CELSR1: variants seen among roughly 807,000 people sequenced by gnomAD.
CELSR1 encodes the protein adhesion G protein-coupled receptor C1.
A neutral mutation model predicts 249.1 loss-of-function variants in CELSR1; 110 were observed. The ratio of observed to expected loss-of-function variants is 0.44; its 90% CI spans 0.38 to 0.52. The LOEUF is 0.52. CELSR1 is among the 20% of genes least tolerant of loss of function. The probability of loss-of-function intolerance (pLI) is 0.00; values close to 1 mark genes in which losing one functional copy is unlikely to be tolerated. For missense variants in CELSR1, 4,109 were observed against 4,296.4 expected (o/e 0.96, Z 1.22); for synonymous variants, 2,113 against 1,900.0 (o/e 1.11, Z -2.92).
intron 1 of CELSR1, among the ~76,000 whole-genome samples, chr22:46,489,958 C>G (rs1289589614): frequency 6.6e-6 from 1 of 152,086 alleles, no homozygotes; most frequent in East Asian, 1.9e-4. Context: ...AATAAACTCC[C>G]AGATCCAGAT....
chr22:46,531,498 G>A (rs551112353), intron 1 of CELSR1, among the ~76,000 whole-genome samples: 41 of 152,318 alleles, frequency 2.7e-4, no homozygotes, highest in Non-Finnish European at 3.5e-4. Context: ...GAGCCACTGC[G>A]CCTGGTCATA....
At position 46,362,891 on chromosome 22, in the gene CELSR1, C is replaced by A; in HGVS notation, c.*332G>T. 1 of 466,436 alleles carries A rather than the reference C, an allele frequency of 2.1e-6. No homozygotes were observed. Among genetic ancestry groups the A allele is most frequent in the South Asian group, 3.6e-5 (1 of 27,468 alleles). 28.9% of individuals were successfully genotyped at this position (466,436 alleles called of 1,614,324 possible). ...ACTCTGGCCAGCCTCTGGGCCCAGTCTGGGGTCCCCTCTCAGTTCTGGCTT... is the reference window on the plus strand; with the variant it reads ...ACTCTGGCCAGCCTCTGGGCCCAGTATGGGGTCCCCTCTCAGTTCTGGCTT... On this transcript the variant is annotated 3_prime_UTR_variant, in exon 35 of 35. Coordinates refer to ENST00000674500, the MANE Select transcript of CELSR1 (RefSeq NM_001378328.1).
At chr22:46,509,523 G>A (rs1602226099) in intron 1 of CELSR1, among the ~76,000 whole-genome samples, 1 of 152,250 alleles carries the variant, frequency 6.6e-6, no homozygotes, top group African/African-American at 2.4e-5. Context: ...CATCTCAGTG[G>A]GGGAGTCAAC....
chr22:46,485,874 A>T (rs1422069101), intron 1 of CELSR1, among the ~76,000 whole-genome samples: 1 of 148,980 alleles, frequency 6.7e-6, no homozygotes, highest in Non-Finnish European at 1.5e-5. Flanking sequence ...TATGACAGTG[A>T]TATGTGTCGT....
In CELSR1 at chr22:46,411,869, C is replaced by A; in HGVS notation, c.4612-110G>T. On this transcript the variant is annotated intron_variant, in intron 5 of 34. Coordinates refer to ENST00000674500, the MANE Select transcript of CELSR1 (RefSeq NM_001378328.1). This position sits in a 1 kb window ranked among gnomAD's most constrained non-coding sequence, Gnocchi z 4.2. ...AGGACATGGCACAGGGTGGGCGGCA[C>A]GTAGACAAGGGATGAGGAGCCCCCG... 7.1e-7 allele frequency: 1 copy of A among 1,406,264 alleles called. No homozygotes were observed. The highest frequency in any genetic ancestry group is 1.2e-5 in the South Asian group (1 of 80,620). The allele number at this position is 1,406,264 out of a possible 1,614,324, so 87.1% of individuals were successfully genotyped here. A position where few individuals can be genotyped will look rare whatever the true frequency, so the allele number is the denominator to read the frequency against.
intron 14 of CELSR1, among the ~76,000 whole-genome samples, 189 bp from the exon 15 acceptor site, chr22:46,392,005 A>C (rs1341316590): frequency 1.3e-5 from 2 of 152,238 alleles, no homozygotes; most frequent in African/African-American, 4.8e-5. Context: ...AGGCCCCACA[A>C]GGCCGGACCC....
At chr22:46,375,727 A>G (rs1217493055) in intron 24 of CELSR1, among the ~76,000 whole-genome samples, 1 of 151,936 alleles carries the variant, frequency 6.6e-6, no homozygotes, top group East Asian at 1.9e-4. Context: ...TATTTTTAGT[A>G]AAGACAGGGT....
chr22:46,485,654 T>C (rs1447427031), intron 1 of CELSR1, among the ~76,000 whole-genome samples: 1 of 152,162 alleles, frequency 6.6e-6, no homozygotes, highest in Non-Finnish European at 1.5e-5. Flanking sequence ...GCCAGCAGGC[T>C]CCATGCACCT....
intron 1 of CELSR1, among the ~76,000 whole-genome samples, chr22:46,515,454 A>G (rs2080617158): frequency 6.6e-6 from 1 of 152,110 alleles, no homozygotes; most frequent in African/African-American, 2.4e-5. Flanking sequence ...CACAAACTCT[A>G]TGAAGGCCTT....
intron 1 of CELSR1, among the ~76,000 whole-genome samples, chr22:46,493,112 T>C (rs5768834): frequency 0.39 from 58,677 of 151,696 alleles, 11,898 homozygotes; most frequent in African/African-American, 0.52. Flanking sequence ...TAGCCAGGCA[T>C]GGTGGCTCAC....
rs2079712335 is a variant in CELSR1 at position 46,439,363 on chromosome 22, A to G, written c.4232T>C (p.Val1411Ala). Residue 1411 changes from valine to alanine, a missense_variant, in exon 3 of 35, where the codon GTG becomes GCG. By Grantham distance (64) the Val-to-Ala change is moderately conservative. Around this residue, in one of 7 missense-constraint regions of CELSR1, gnomAD observed 453 missense variants for 492.0 expected, o/e 0.92. Transcript: ENST00000674500. ...CACGCAGGTGCCCCCGTTCTTGCACACCCCGTTGGCACAGCGGCCTGAGCG... is the reference window on the plus strand; with the variant it reads ...CACGCAGGTGCCCCCGTTCTTGCACGCCCCGTTGGCACAGCGGCCTGAGCG... ...DARSGRCANGVCKNGGTCVNL... is the reference protein window; with the variant it reads ...DARSGRCANGACKNGGTCVNL... 1.2e-6 allele frequency: 2 copies of G among 1,613,634 alleles called. No homozygotes were observed. Among genetic ancestry groups the G allele is most frequent in the East Asian group, 2.2e-5 (1 of 44,858 alleles).
At chr22:46,377,514 G>A in intron 23 of CELSR1, 1 of 534,112 alleles carries the variant, frequency 1.9e-6, no homozygotes, top group South Asian at 2.1e-5. Flanking sequence ...CTGGCTTGGG[G>A]GCCGTTCAGA....
intron 5 of CELSR1, among the ~76,000 whole-genome samples, chr22:46,431,733 T>C (rs2079597978): frequency 6.6e-6 from 1 of 152,204 alleles, no homozygotes; most frequent in Non-Finnish European, 1.5e-5. Context: ...TGGCTAGCAC[T>C]GCCCCACACA....
chr22:46,439,205 A>G lies in CELSR1; in HGVS notation c.4390T>C (p.Phe1464Leu). 1 of 1,613,450 alleles carries G rather than the reference A, an allele frequency of 6.2e-7. No homozygotes were observed. Among genetic ancestry groups the G allele is most frequent in the Non-Finnish European group, 8.5e-7 (1 of 1,179,518 alleles). The change falls in exon 3 of 35, where the codon TTC (phenylalanine) becomes CTC (leucine). Residue 1464 changes from phenylalanine (F) to leucine (L), a missense_variant. Phe to Leu is a conservative substitution (Grantham distance 22). This residue lies in a region of CELSR1 where 453 missense variants were observed against 492.0 expected (regional missense o/e 0.92). Coordinates refer to ENST00000674500, the MANE Select transcript of CELSR1 (RefSeq NM_001378328.1). ...TFRGLRQRFH[F>L]TISLTFATQE... The stretch of plus-strand genomic sequence containing the variant: ...CACACTCACGTGAGGGAGATGGTGA[A>G]GTGGAAGCGCTGTCTCAGGCCCCGG...
chr22:46,439,722 C>T (rs935811996), intron 2 of CELSR1, among the ~76,000 whole-genome samples: 1 of 152,100 alleles, frequency 6.6e-6, no homozygotes, highest in Admixed American at 6.5e-5. Context: ...AGCCTCCAAC[C>T]CCGTTCTGAG....
In CELSR1 at chr22:46,454,295, G is replaced by T. The variant is rs1374748309; in HGVS notation, c.4183+9412C>A. Among the ~76,000 whole-genome samples the T allele has an allele frequency of 6.6e-6, 1 of 152,198 alleles. No individual in the cohort carries two copies. The highest frequency in any genetic ancestry group is 1.5e-5 in the Non-Finnish European group (1 of 68,040). ...CCTCCAGAACAGTAAGAATGAATCC[G>T]TGCTGCGTTAAGCCCCTCGTGTGTG... On this transcript the variant is annotated intron_variant, in intron 2 of 34. Coordinates refer to ENST00000674500, the MANE Select transcript of CELSR1 (RefSeq NM_001378328.1). This position sits in a 1 kb window ranked among gnomAD's most constrained non-coding sequence, Gnocchi z 5.1.
rs1225961383 is a variant in CELSR1, at chr22:46,473,766, C to G, written c.3545-9421G>C. 6.6e-6 allele frequency among the ~76,000 whole-genome samples: 1 copy of G among 152,188 alleles called. No homozygotes were observed. Among genetic ancestry groups the G allele is most frequent in the Non-Finnish European group, 1.5e-5 (1 of 68,022 alleles). Reference sequence around the variant, plus strand: ...TTGGTGGCTCCTGGTGGCTCCCATTCAAAGCCAGGGAACTTTGAAGTGGCT... The same window carrying G: ...TTGGTGGCTCCTGGTGGCTCCCATTGAAAGCCAGGGAACTTTGAAGTGGCT... On this transcript the variant is annotated intron_variant, in intron 1 of 34. Coordinates refer to ENST00000674500, the MANE Select transcript of CELSR1 (RefSeq NM_001378328.1). The surrounding 1 kb of genome is among the most constrained non-coding windows in gnomAD (Gnocchi z 6.6).
intron 1 of CELSR1, among the ~76,000 whole-genome samples, chr22:46,474,668 C>G (rs1031164520): frequency 6.6e-6 from 1 of 151,980 alleles, no homozygotes; most frequent in African/African-American, 2.4e-5. Flanking sequence ...AATAGAGCAA[C>G]AGAACTTATT....
rs2079548340 is a variant in CELSR1, at chr22:46,427,388, T to A, written c.4611+6005A>T. Among the ~76,000 whole-genome samples the A allele has an allele frequency of 6.6e-6, 1 of 152,066 alleles. No individual in the cohort carries two copies. Among genetic ancestry groups the A allele is most frequent in the Non-Finnish European group, 1.5e-5 (1 of 68,022 alleles). ...CCAATCTCTACTAAAAGTACAAAAA[T>A]TAACCGGGTGTGGTGGCGCGCACCT... On this transcript the variant is annotated intron_variant, in intron 5 of 34. Transcript: ENST00000674500. This position sits in a 1 kb window ranked among gnomAD's most constrained non-coding sequence, Gnocchi z 4.2.
Sources: gnomAD v4.1 joint callset for allele counts (sites outside exome capture counted in the v4.1 genomes callset) on GRCh38, gnomAD v4.1.1 for gene constraint, gnomAD v4.1.1 regional missense constraint, Gnocchi (gnomAD v3.1) non-coding constraint, MANE v1.5 for transcripts, NCBI Gene and HGNC (gene_info 2026-07-23, HGNC 2026-07-21) for gene names.